KCNE3: variants seen among roughly 807,000 people sequenced by gnomAD.
KCNE3 encodes potassium voltage-gated channel subfamily E member 3.
A neutral mutation model predicts 4.3 loss-of-function variants in KCNE3; 2 were observed. The observed-to-expected ratio is 0.47, with a 90% CI of 0.19 to 1.48. The LOEUF (loss-of-function observed/expected upper bound fraction) is 1.48, where lower values mean the gene tolerates loss of function less well. KCNE3 is among the 40% of genes most tolerant of loss of function. The probability of loss-of-function intolerance (pLI) is 0.25; values close to 1 mark genes in which losing one functional copy is unlikely to be tolerated. For missense variants in KCNE3, 128 were observed against 136.8 expected (o/e 0.94, Z 0.32); for synonymous variants, 47 against 52.0 (o/e 0.90, Z 0.41).
intron 1 of KCNE3, among the ~76,000 whole-genome samples, chr11:74,464,680 T>C (rs1051134121): frequency 2.6e-5 from 4 of 152,180 alleles, no homozygotes; most frequent in African/African-American, 9.7e-5. Context: ...GTATCTTGAC[T>C]TCCCCTCCAC....
rs1304713291 is a variant in KCNE3 at position 74,456,493 on chromosome 11, A to G, written c.*759T>C. 1 of 152,226 alleles carries G rather than the reference A, an allele frequency of 6.6e-6. No homozygotes were observed. Among genetic ancestry groups the G allele is most frequent in the Non-Finnish European group, 1.5e-5 (1 of 68,084 alleles). The allele number at this position is 152,226 out of a possible 1,614,324, so 9.4% of individuals were successfully genotyped here. On this transcript the variant is annotated 3_prime_UTR_variant, in exon 3 of 3. Coordinates refer to ENST00000310128, the MANE Select transcript of KCNE3 (RefSeq NM_005472.5). ...AAGCATATGAACCATAGAGCTAACG[A>G]GGCCTAACATTCAGGGTCCTGACTC...
Position 74,467,120 on chromosome 11 carries a change from G to T in KCNE3, c.-190+278C>A, listed in dbSNP as rs1864073823. Among the ~76,000 whole-genome samples the T allele has an allele frequency of 6.6e-6, 1 of 152,184 alleles. No homozygotes were observed. The highest frequency in any genetic ancestry group is 1.5e-5 in the Non-Finnish European group (1 of 68,020). ...AACTTTTCTTGTGGCCGTCTTGAGG[G>T]CTGGGAATAACGGCGCAAGTCCCCA... On this transcript the variant is annotated intron_variant, in intron 1 of 2. Transcript: ENST00000310128. This position sits in a 1 kb window ranked among gnomAD's most constrained non-coding sequence, Gnocchi z 4.4.
rs745623708 is a variant in KCNE3 at position 74,455,437 on chromosome 11, G to A, written c.*1815C>T. On this transcript the variant is annotated 3_prime_UTR_variant, in exon 3 of 3. Transcript: ENST00000310128. ...TAGCTGGAACCATATATGAAACTAC[G>A]ATACTCAGCTGTTTCTAACCTACAA... is the stretch of plus-strand genomic sequence containing the variant. 2.0e-5 allele frequency: 3 copies of A among 152,182 alleles called. No homozygotes were observed. Among genetic ancestry groups the A allele is most frequent in the Non-Finnish European group, 4.4e-5 (3 of 68,028 alleles). The allele number at this position is 152,182 out of a possible 1,614,324, so 9.4% of individuals were successfully genotyped here. A position where few individuals can be genotyped will look rare whatever the true frequency, so the allele number is the denominator to read the frequency against.
At chr11:74,465,533 C>T (rs1864042139) in intron 1 of KCNE3, among the ~76,000 whole-genome samples, 1 of 152,122 alleles carries the variant, frequency 6.6e-6, no homozygotes. Context: ...CCAGCAATGG[C>T]TTTGCAACCC....
intron 2 of KCNE3, among the ~76,000 whole-genome samples, chr11:74,461,516 A>G (rs1342002719): frequency 6.6e-6 from 1 of 151,916 alleles, no homozygotes; most frequent in Non-Finnish European, 1.5e-5. Flanking sequence ...CCAGCTGCTC[A>G]GGAGGCTGAG....
intron 1 of KCNE3, among the ~76,000 whole-genome samples, chr11:74,463,171 G>A (rs1455138915): frequency 6.6e-6 from 1 of 152,160 alleles, no homozygotes; most frequent in Non-Finnish European, 1.5e-5. Context: ...GCAGAAGGTG[G>A]GGGAAGGGGA....
At chr11:74,460,697 G>A (rs1863933283) in intron 2 of KCNE3, among the ~76,000 whole-genome samples, 1 of 152,224 alleles carries the variant, frequency 6.6e-6, no homozygotes, top group African/African-American at 2.4e-5. Context: ...GGGCAGGAGA[G>A]AGAGGATCCA....
rs1416175388 is a variant in KCNE3 at position 74,457,381 on chromosome 11, A to G, written c.183T>C (p.Ile61=). Residue 61 remains isoleucine (I), a synonymous_variant, in exon 3 of 3, where the codon ATT becomes ATC. Transcript: ENST00000310128. ...PGRDDNSYMY[I]LFVMFLFAVT... is the part of the protein sequence containing the mutation. ...CAGCAAATAGAAACATGACAAAGAG[A>G]ATGTACATGTAGGAGTTGTCATCAC... 1 of 1,614,138 alleles carries G rather than the reference A, an allele frequency of 6.2e-7. No individual in the cohort carries two copies. Among genetic ancestry groups the G allele is most frequent in the Non-Finnish European group, 8.5e-7 (1 of 1,180,006 alleles).
At chr11:74,461,292 TTGTGTGTGTGTGTGTG>T (rs4018948) in intron 2 of KCNE3, among the ~76,000 whole-genome samples, 1 of 148,376 alleles carries the variant, frequency 6.7e-6, no homozygotes, top group Non-Finnish European at 1.5e-5. Flanking sequence ...TTTTTATGTT[TTGTGTGTGTGTGTGTG>T]TGTGTGTGTG....
chr11:74,465,118 GTGTGTGTATGTGTGTGTGTGTATGTGTA>G (rs1447724009), intron 1 of KCNE3, among the ~76,000 whole-genome samples: 1 of 151,726 alleles, frequency 6.6e-6, no homozygotes, highest in Non-Finnish European at 1.5e-5. Flanking sequence ...GTGTGTGTGT[GTGTGTGTATGTGTGTGTGTGTATGTGTA>G]TGTGTGTAAC....
At position 74,456,207 on chromosome 11, in the gene KCNE3, C is replaced by T. The variant is rs190007868; in HGVS notation, c.*1045G>A. ...ATTAACTGGGTGTGGTGACAGGAAC[C>T]TGTAATCCCAGCTACTCAGGTGGCT... On this transcript the variant is annotated 3_prime_UTR_variant, in exon 3 of 3. Transcript: ENST00000310128. 3 of 133,212 alleles carry T rather than the reference C, an allele frequency of 2.3e-5. No homozygotes were observed. The highest frequency in any genetic ancestry group is 7.8e-5 in the African/African-American group (3 of 38,320). The allele number at this position is 133,212 out of a possible 1,614,324, so 8.3% of individuals were successfully genotyped here. A position where few individuals can be genotyped will look rare whatever the true frequency, so the allele number is the denominator to read the frequency against.
At chr11:74,464,836 G>A (rs1481138963) in intron 1 of KCNE3, among the ~76,000 whole-genome samples, 1 of 152,220 alleles carries the variant, frequency 6.6e-6, no homozygotes, top group Non-Finnish European at 1.5e-5. Context: ...TGACACTGAA[G>A]TACAGGCCAC....
chr11:74,457,347 C>T lies in KCNE3; in HGVS notation c.217G>A (p.Gly73Ser). 1 of 1,614,204 alleles carries T rather than the reference C, an allele frequency of 6.2e-7. No homozygotes were observed. Among genetic ancestry groups the T allele is most frequent in the Non-Finnish European group, 8.5e-7 (1 of 1,180,034 alleles). The change falls in exon 3 of 3, where the codon GGC (glycine) becomes AGC (serine). Residue 73 changes from glycine (G) to serine (S), a missense_variant. Transcript: ENST00000310128. ...FVMFLFAVTV[G>S]SLILGYTRSR... ...CGGGTGTATCCCAGGATGAGGCTGC[C>T]CACAGTTACAGCAAATAGAAACATG...
intron 2 of KCNE3, among the ~76,000 whole-genome samples, chr11:74,460,021 G>T (rs896721733): frequency 5.3e-5 from 8 of 152,178 alleles, no homozygotes; most frequent in Admixed American, 5.2e-4. Context: ...AAACTAATAT[G>T]TGACTATTAA....
chr11:74,459,542 GCCC>G lies in KCNE3; in HGVS notation c.-40-1942_-40-1940del, dbSNP rs1210791408. 7.9e-5 allele frequency among the ~76,000 whole-genome samples: 12 copies of G among 151,912 alleles called. No homozygotes were observed. In the East Asian group the frequency reaches 2.3e-3, roughly 29 times the overall value. On this transcript the variant is annotated intron_variant, in intron 2 of 2. Transcript: ENST00000310128. ...CTCCCAAAGTGCTGGGATTACAGGC[GCCC>G]AGCCAGAAAGAACATCTTAAAACAG...
intron 1 of KCNE3, among the ~76,000 whole-genome samples, chr11:74,466,484 T>C (rs1488854175): frequency 6.6e-6 from 1 of 152,176 alleles, no homozygotes; most frequent in Non-Finnish European, 1.5e-5. Context: ...CATGCCTTTG[T>C]AGGTGAAGTG....
In KCNE3 at chr11:74,457,437, T is replaced by C; in HGVS notation, c.127A>G (p.Thr43Ala). ...GGTAGGCTGGCCCGCCTCTCTTCAG[T>C]CTGGTTGTCTGGCCCCAGCCCTGGC... ...PGPGLGPDNQTEERRASLPGR... is the reference protein window; with the variant it reads ...PGPGLGPDNQAEERRASLPGR... The change falls in exon 3 of 3, where the codon ACT becomes GCT. Residue 43 changes from threonine (T) to alanine (A), a missense_variant. Thr to Ala is a moderately conservative substitution (Grantham distance 58). Coordinates refer to ENST00000310128, the MANE Select transcript of KCNE3 (RefSeq NM_005472.5). 1.2e-6 allele frequency: 2 copies of C among 1,613,916 alleles called. No homozygotes were observed. The highest frequency in any genetic ancestry group is 1.7e-6 in the Non-Finnish European group (2 of 1,179,808).
intron 1 of KCNE3, among the ~76,000 whole-genome samples, chr11:74,466,479 C>T (rs982620670): frequency 6.6e-6 from 1 of 152,110 alleles, no homozygotes; most frequent in Non-Finnish European, 1.5e-5. Context: ...TACAACATGC[C>T]TTTGTAGGTG....
chr11:74,460,322 A>G (rs17133156), intron 2 of KCNE3, among the ~76,000 whole-genome samples: 3,345 of 152,338 alleles, frequency 0.022, 140 homozygotes, highest in African/African-American at 0.076. Context: ...TAGGAGCAGC[A>G]TGATGAAATA....
Sources: gnomAD v4.1 joint callset for allele counts (sites outside exome capture counted in the v4.1 genomes callset) on GRCh38, gnomAD v4.1.1 for gene constraint, Gnocchi (gnomAD v3.1) non-coding constraint, MANE v1.5 for transcripts, NCBI Gene and HGNC (gene_info 2026-07-23, HGNC 2026-07-21) for gene names.